The following DLX6 variants were observed in gnomAD, a reference collection of about 807,000 sequenced individuals.
DLX6 encodes the protein distal-less homeobox 6.
DLX6 carries 4 observed loss-of-function variants against 33.5 expected under a neutral mutation model. The ratio of observed to expected loss-of-function variants is 0.12; its 90% CI spans 0.06 to 0.27. The LOEUF (loss-of-function observed/expected upper bound fraction) is 0.27, where lower values mean the gene tolerates loss of function less well. Among genes scored for constraint, DLX6 ranks in the 10% least tolerant of loss-of-function variants. The pLI is 1.00. For missense variants in DLX6, 382 were observed against 393.3 expected (o/e 0.97, Z 0.24); for synonymous variants, 184 against 164.8 (o/e 1.12, Z -0.89).
At chr7:97,009,034 T>A (rs1789793378) in intron 2 of DLX6, among the ~76,000 whole-genome samples, 1 of 152,220 alleles carries the variant, frequency 6.6e-6, no homozygotes, top group African/African-American at 2.4e-5. Context: ...TCACGTTTAA[T>A]TTTCAGAAGC....
At chr7:97,009,698 GT>G (rs1230667717) in intron 2 of DLX6, 97 bp from the exon 3 acceptor site, 3 of 1,520,418 alleles carry the variant, frequency 2.0e-6, no homozygotes, top group Non-Finnish European at 2.6e-6. Flanking sequence ...TTTGTTTTTT[GT>G]TTTTTTGCTT....
chr7:97,009,821 G>A lies in DLX6; in HGVS notation c.656G>A (p.Arg219His). ...GTGAAGATATGGTTTCAGAACAAAC[G>A]CTCTAAGTTTAAGAAACTGCTGAAG... is the stretch of plus-strand genomic sequence containing the variant. Reference protein sequence around the residue: ...TQVKIWFQNKRSKFKKLLKQG... With the variant: ...TQVKIWFQNKHSKFKKLLKQG... The change falls in exon 3 of 3, where the codon CGC (arginine) becomes CAC (histidine). Residue 219 changes from arginine to histidine, a missense_variant. By Grantham distance (29) the Arg-to-His change is conservative. This residue lies in a region of DLX6 where 4 missense variants were observed against 41.2 expected (regional missense o/e 0.10). Coordinates refer to ENST00000518156, the MANE Select transcript of DLX6 (RefSeq NM_005222.4). 1 of 1,613,952 alleles carries A rather than the reference G, an allele frequency of 6.2e-7. No individual in the cohort carries two copies. Among genetic ancestry groups the A allele is most frequent in the Non-Finnish European group, 8.5e-7 (1 of 1,179,856 alleles).
At position 97,005,864 on chromosome 7, in the gene DLX6, TTTTG is replaced by T. The variant is rs1789701832; in HGVS notation, c.-113_-110del. 2.9e-4 allele frequency: 129 copies of T among 438,454 alleles called. No homozygotes were observed. The highest frequency in any genetic ancestry group is 1.2e-3 in the South Asian group (15 of 12,930). 27.2% of individuals were successfully genotyped at this position (438,454 alleles called of 1,614,324 possible). On this transcript the variant is annotated 5_prime_UTR_variant, in exon 1 of 3. Transcript: ENST00000518156. Reference sequence around the variant, plus strand: ...AATTCTTTTTTTTTTTTTTTTTTTTTTTTGCAAGGATCCAAAGAGCTAAGGTGGC... The same window carrying T: ...AATTCTTTTTTTTTTTTTTTTTTTTTCAAGGATCCAAAGAGCTAAGGTGGC...
At position 97,009,869 on chromosome 7, in the gene DLX6, G is replaced by A. The variant is rs763651356; in HGVS notation, c.704G>A (p.Ser235Asn). ...AAGCAGGGCAGTAATCCTCATGAGAGCGACCCCCTCCAGGGCTCGGCGGCC... is the reference window on the plus strand; with the variant it reads ...AAGCAGGGCAGTAATCCTCATGAGAACGACCCCCTCCAGGGCTCGGCGGCC... ...LLKQGSNPHE[S>N]DPLQGSAALS... Residue 235 changes from serine to asparagine, a missense_variant, in exon 3 of 3, where the codon AGC (serine) becomes AAC (asparagine). Ser to Asn is a conservative substitution (Grantham distance 46). Transcript: ENST00000518156. 3 of 1,613,846 alleles carry A rather than the reference G, an allele frequency of 1.9e-6. No homozygotes were observed. The African/African-American group carries it at 4.0e-5, about 22-fold the overall frequency.
chr7:97,005,916 G>T lies in DLX6; in HGVS notation c.-62G>T. On this transcript the variant is annotated 5_prime_UTR_variant, in exon 1 of 3. Transcript: ENST00000518156. The stretch of plus-strand genomic sequence containing the variant: ...GGCTGCAGAGGGGAGAGCGGCGCGA[G>T]CCAAGTGGGGGAGGGTGGAGGAAAC... 7.4e-7 allele frequency: 1 copy of T among 1,350,886 alleles called. No individual in the cohort carries two copies. The highest frequency in any genetic ancestry group is 9.8e-7 in the Non-Finnish European group (1 of 1,018,982). 83.7% of individuals were successfully genotyped at this position (1,350,886 alleles called of 1,614,324 possible). A position where few individuals can be genotyped will look rare whatever the true frequency, so the allele number is the denominator to read the frequency against.
At chr7:97,009,489 T>TG (rs754333580) in intron 2 of DLX6, among the ~76,000 whole-genome samples, 9 of 152,232 alleles carry the variant, frequency 5.9e-5, no homozygotes, top group Non-Finnish European at 1.0e-4. Context: ...CTTTAGGCTT[T>TG]GGACCTGGTC....
At chr7:97,007,326 C>G (rs889106757) in intron 1 of DLX6, 1 of 589,008 alleles carries the variant, frequency 1.7e-6, no homozygotes, top group Admixed American at 3.0e-5. Context: ...TGCCGCCTTG[C>G]TGCGCTGCGC....
Position 97,010,102 on chromosome 7 carries a change from G to T in DLX6, c.*55G>T. ...TCTGAACAAGGAAAAGAGGATCCGG[G>T]ACCTGCTTGTATCTGCGAAAAGGAG... On this transcript the variant is annotated 3_prime_UTR_variant, in exon 3 of 3. Transcript: ENST00000518156. The T allele has an allele frequency of 6.5e-7, 1 of 1,542,968 alleles. No individual in the cohort carries two copies. Among genetic ancestry groups the T allele is most frequent in the Non-Finnish European group, 8.8e-7 (1 of 1,141,212 alleles).
intron 2 of DLX6, among the ~76,000 whole-genome samples, chr7:97,009,144 T>A (rs897367256): frequency 6.6e-6 from 1 of 152,246 alleles, no homozygotes; most frequent in African/African-American, 2.4e-5. Context: ...GCTGCAGTCC[T>A]TAATCCCTGC....
Position 97,006,307 on chromosome 7 carries a change from CCGCT to C in DLX6, c.338_341del (p.Leu113ProfsTer6). 1 of 1,524,978 alleles carries C rather than the reference CCGCT, an allele frequency of 6.6e-7. No homozygotes were observed. Among genetic ancestry groups the C allele is most frequent in the Non-Finnish European group, 8.8e-7 (1 of 1,133,560 alleles). The allele number at this position is 1,524,978 out of a possible 1,614,324, so 94.5% of individuals were successfully genotyped here. On this transcript the variant is annotated frameshift_variant, in exon 1 of 3. Coordinates refer to ENST00000518156, the MANE Select transcript of DLX6 (RefSeq NM_005222.4). LOFTEE classifies it high-confidence loss of function. ...CGGGCGGAGGGAACTCCTACAACCACCGCTCGCTCGCCGCCTACCCCTACATGAG... is the reference window on the plus strand; with the variant it reads ...CGGGCGGAGGGAACTCCTACAACCACCGCTCGCCGCCTACCCCTACATGAG...
chr7:97,007,709 C>T lies in DLX6; in HGVS notation c.508C>T (p.Pro170Ser), dbSNP rs867205484. The change falls in exon 2 of 3, where the codon CCT becomes TCT. Residue 170 changes from proline (P) to serine (S), a missense_variant. Transcript: ENST00000518156. Reference sequence around the variant, plus strand: ...TGGAAAAGGGAAAAAGATTCGGAAGCCTCGGACCATTTATTCCAGCCTGCA... The same window carrying T: ...TGGAAAAGGGAAAAAGATTCGGAAGTCTCGGACCATTTATTCCAGCCTGCA... ...FNGKGKKIRK[P>S]RTIYSSLQLQ... 4 of 1,612,672 alleles carry T rather than the reference C, an allele frequency of 2.5e-6. No individual in the cohort carries two copies. The Middle Eastern group carries it at 6.6e-4, about 266-fold the overall frequency.
Position 97,010,319 on chromosome 7 carries a change from C to G in DLX6, c.*272C>G. ...ACCTTTTTTCTCATTTACCTTCTCTCTTGAGCAACGTCAGTAATTGATCTT... is the reference window on the plus strand; with the variant it reads ...ACCTTTTTTCTCATTTACCTTCTCTGTTGAGCAACGTCAGTAATTGATCTT... On this transcript the variant is annotated 3_prime_UTR_variant, in exon 3 of 3. Coordinates refer to ENST00000518156, the MANE Select transcript of DLX6 (RefSeq NM_005222.4). The G allele has an allele frequency of 2.5e-6, 1 of 396,210 alleles. No homozygotes were observed. Among genetic ancestry groups the G allele is most frequent in the Non-Finnish European group, 4.5e-6 (1 of 220,798 alleles). The allele number at this position is 396,210 out of a possible 1,614,324, so 24.5% of individuals were successfully genotyped here.
At chr7:97,007,575 G>C (rs1789766067) in intron 1 of DLX6, 63 bp from the exon 2 acceptor site, 1 of 1,476,962 alleles carries the variant, frequency 6.8e-7, no homozygotes. Flanking sequence ...TGCCACGCCA[G>C]GAGCAGGGAG....
Position 97,007,630 on chromosome 7 carries a change from G to C in DLX6, c.437-8G>C. On this transcript the variant is annotated splice_region_variant and splice_polypyrimidine_tract_variant and intron_variant, in intron 1 of 2. Coordinates refer to ENST00000518156, the MANE Select transcript of DLX6 (RefSeq NM_005222.4). ...GGGTGACCGCTCCTCTGTATTATTT[G>C]CTTACAGATCAACAAAAAACTACAG... The C allele has an allele frequency of 6.2e-7, 1 of 1,604,160 alleles. No homozygotes were observed. The highest frequency in any genetic ancestry group is 8.5e-7 in the Non-Finnish European group (1 of 1,174,962).
chr7:97,009,572 A>G (rs1180038168), intron 2 of DLX6, among the ~76,000 whole-genome samples: 1 of 152,192 alleles, frequency 6.6e-6, no homozygotes, highest in Non-Finnish European at 1.5e-5. Flanking sequence ...GAATTACAAT[A>G]ACTTTAGGTA....
Position 97,010,257 on chromosome 7 carries a change from C to G in DLX6, c.*210C>G. The stretch of plus-strand genomic sequence containing the variant: ...CCTTTCCTCCATTCCTTCTTTCTTT[C>G]CTTTTCCTTTCTACCTTTCTTTTCT... On this transcript the variant is annotated 3_prime_UTR_variant, in exon 3 of 3. Coordinates refer to ENST00000518156, the MANE Select transcript of DLX6 (RefSeq NM_005222.4). 1.8e-6 allele frequency: 1 copy of G among 541,774 alleles called. No homozygotes were observed. Among genetic ancestry groups the G allele is most frequent in the Non-Finnish European group, 3.1e-6 (1 of 318,956 alleles). 33.6% of individuals were successfully genotyped at this position (541,774 alleles called of 1,614,324 possible).
rs1789709042 is a variant in DLX6 at position 97,006,052 on chromosome 7, G to GCAGCAGCAGCAGCAGCAGCAGCAGCAA, written c.98_99insGCAACAGCAGCAGCAGCAGCAGCAGCA (p.Gln36_Gln44dup). The GCAGCAGCAGCAGCAGCAGCAGCAGCAA allele has an allele frequency of 1.3e-6, 2 of 1,531,750 alleles. No individual in the cohort carries two copies. The highest frequency in any genetic ancestry group is 1.4e-5 in the African/African-American group (1 of 71,396). 94.9% of individuals were successfully genotyped at this position (1,531,750 alleles called of 1,614,324 possible). ...CCAAATCCGCCTTCATGGAGTTCGGGCAGCAGCAGCAGCAGCAGCAGCAAC... is the reference window on the plus strand; with the variant it reads ...CCAAATCCGCCTTCATGGAGTTCGGGCAGCAGCAGCAGCAGCAGCAGCAGCAACAGCAGCAGCAGCAGCAGCAGCAAC... On this transcript the variant is annotated inframe_insertion, in exon 1 of 3. Transcript: ENST00000518156.
chr7:97,010,170 G>A lies in DLX6; in HGVS notation c.*123G>A, dbSNP rs1268225968. 13 of 1,165,174 alleles carry A rather than the reference G, an allele frequency of 1.1e-5. No homozygotes were observed. Among genetic ancestry groups the A allele is most frequent in the Non-Finnish European group, 1.4e-5 (12 of 849,040 alleles). 72.2% of individuals were successfully genotyped at this position (1,165,174 alleles called of 1,614,324 possible). A position where few individuals can be genotyped will look rare whatever the true frequency, so the allele number is the denominator to read the frequency against. ...GGAGAGCTCATAAGTGTGGCAAGAA[G>A]CCGACTAGGCTCATTCTCTCTCCCT... On this transcript the variant is annotated 3_prime_UTR_variant, in exon 3 of 3. Transcript: ENST00000518156.
At position 97,010,346 on chromosome 7, in the gene DLX6, C is replaced by A; in HGVS notation, c.*299C>A. ...TGAGCAACGTCAGTAATTGATCTTG[C>A]ATCTCAGAGAGAGAGAAAGAGCATG... On this transcript the variant is annotated 3_prime_UTR_variant, in exon 3 of 3. Transcript: ENST00000518156. The A allele has an allele frequency of 3.1e-6, 1 of 325,114 alleles. No homozygotes were observed. Among genetic ancestry groups the A allele is most frequent in the Non-Finnish European group, 5.7e-6 (1 of 176,536 alleles). 20.1% of individuals were successfully genotyped at this position (325,114 alleles called of 1,614,324 possible).
Sources: gnomAD v4.1 joint callset for allele counts (sites outside exome capture counted in the v4.1 genomes callset) on GRCh38, gnomAD v4.1.1 for gene constraint, gnomAD v4.1.1 regional missense constraint, MANE v1.5 for transcripts, NCBI Gene and HGNC (gene_info 2026-07-23, HGNC 2026-07-21) for gene names.